CSMD1: variants seen among roughly 807,000 people sequenced by gnomAD.
CSMD1 encodes the protein CUB and sushi domain-containing protein 1.
A neutral mutation model predicts 417.5 loss-of-function variants in CSMD1; 213 were observed. The observed-to-expected ratio is 0.51, with a 90% confidence interval of 0.46 to 0.57. The LOEUF (loss-of-function observed/expected upper bound fraction) is 0.57. Ranked by LOEUF, CSMD1 falls within the 20% of genes least tolerant of loss-of-function variation. CSMD1 has a pLI of 0.00. For synonymous variants in CSMD1, 2,862 were observed against 1,736.8 expected (o/e 1.65, Z -16.11); for missense variants, 6,923 against 4,529.7 (o/e 1.53, Z -15.17).
intron 2 of CSMD1, among the ~76,000 whole-genome samples, chr8:4,509,839 C>T (rs1026334526): frequency 1.3e-5 from 2 of 152,142 alleles, no homozygotes; most frequent in Non-Finnish European, 2.9e-5. Flanking sequence ...TAAATTGCCC[C>T]AAGATTCACA....
At chr8:3,445,298 G>A (rs1815228432) in intron 12 of CSMD1, among the ~76,000 whole-genome samples, 1 of 152,090 alleles carries the variant, frequency 6.6e-6, no homozygotes, top group Non-Finnish European at 1.5e-5. Context: ...ACGTCACTAA[G>A]GTAAGGGTAC....
intron 2 of CSMD1, among the ~76,000 whole-genome samples, chr8:4,485,728 C>G (rs1271022729): frequency 1.3e-5 from 2 of 152,124 alleles, no homozygotes; most frequent in Non-Finnish European, 2.9e-5. Flanking sequence ...AGTACATAAT[C>G]TTAATCCCAA....
At chr8:4,979,483 G>A (rs898311374) in intron 1 of CSMD1, among the ~76,000 whole-genome samples, 9 of 152,140 alleles carry the variant, frequency 5.9e-5, no homozygotes, top group African/African-American at 1.9e-4. Flanking sequence ...ACACTTGAGT[G>A]TGTGAAAGCT....
intron 3 of CSMD1, among the ~76,000 whole-genome samples, chr8:4,386,899 T>G (rs138895976): frequency 6.6e-6 from 1 of 152,220 alleles, no homozygotes; most frequent in Non-Finnish European, 1.5e-5. Context: ...GTATCATGAA[T>G]AGTTAAAAGG....
At chr8:3,351,156 C>A (rs184107759) in intron 21 of CSMD1, among the ~76,000 whole-genome samples, 1 of 152,162 alleles carries the variant, frequency 6.6e-6, no homozygotes, top group Non-Finnish European at 1.5e-5. Context: ...AATAATAGCT[C>A]ATTTATTCAA....
chr8:4,091,315 T>C (rs925938264), intron 3 of CSMD1, among the ~76,000 whole-genome samples: 1 of 152,180 alleles, frequency 6.6e-6, no homozygotes, highest in Non-Finnish European at 1.5e-5. Context: ...ATTCAATAAA[T>C]ATTTTGTTGT....
chr8:4,590,302 TG>T (rs2130729549), intron 2 of CSMD1, among the ~76,000 whole-genome samples: 1 of 152,250 alleles, frequency 6.6e-6, no homozygotes, highest in African/African-American at 2.4e-5. Flanking sequence ...GAAGCAGACA[TG>T]GACTACTGGA....
chr8:4,195,963 A>G (rs940966691), intron 3 of CSMD1, among the ~76,000 whole-genome samples: 2 of 152,052 alleles, frequency 1.3e-5, no homozygotes, highest in Non-Finnish European at 2.9e-5. Flanking sequence ...TGTAATCCCA[A>G]CACTTTGGGG....
At chr8:3,607,059 T>A (rs1172272317) in intron 8 of CSMD1, among the ~76,000 whole-genome samples, 1 of 152,220 alleles carries the variant, frequency 6.6e-6, no homozygotes, top group Non-Finnish European at 1.5e-5. Context: ...AATACTCAGT[T>A]TAAGACACAA....
intron 1 of CSMD1, among the ~76,000 whole-genome samples, chr8:4,725,183 C>T (rs1274190556): frequency 6.6e-6 from 1 of 152,004 alleles, no homozygotes; most frequent in African/African-American, 2.4e-5. Context: ...CAATAAAAGT[C>T]AGAGAATAAA....
intron 3 of CSMD1, among the ~76,000 whole-genome samples, chr8:4,156,519 G>A (rs986180239): frequency 6.6e-6 from 1 of 152,058 alleles, no homozygotes; most frequent in Non-Finnish European, 1.5e-5. Context: ...AATAAAGTAA[G>A]TTCCTCTTAT....
At chr8:3,471,060 T>G (rs894921762) in intron 11 of CSMD1, among the ~76,000 whole-genome samples, 1 of 152,194 alleles carries the variant, frequency 6.6e-6, no homozygotes, top group African/African-American at 2.4e-5. Context: ...AGCTGCATTG[T>G]GAAATCATGT....
chr8:4,090,369 A>T (rs929873897), intron 3 of CSMD1, among the ~76,000 whole-genome samples: 1 of 152,206 alleles, frequency 6.6e-6, no homozygotes, highest in Admixed American at 6.5e-5. Context: ...AATAAATTAC[A>T]AAGTGTCAGA....
intron 3 of CSMD1, among the ~76,000 whole-genome samples, chr8:4,381,187 G>T (rs1314832864): frequency 6.6e-6 from 1 of 152,138 alleles, no homozygotes; most frequent in African/African-American, 2.4e-5. Context: ...GTTCTCTACG[G>T]TACTGATAAA....
chr8:4,488,682 G>A (rs540421209), intron 2 of CSMD1, among the ~76,000 whole-genome samples: 22 of 147,204 alleles, frequency 1.5e-4, no homozygotes, highest in Admixed American at 2.8e-4. Flanking sequence ...TAATCATGGC[G>A]GTGGGGGGGG....
chr8:4,682,046 T>A (rs1051182562), intron 1 of CSMD1, among the ~76,000 whole-genome samples: 1 of 152,134 alleles, frequency 6.6e-6, no homozygotes, highest in African/African-American at 2.4e-5. Flanking sequence ...TGAGACAGGG[T>A]CTCACTCTGT....
At chr8:4,273,784 G>A (rs868379542) in intron 3 of CSMD1, among the ~76,000 whole-genome samples, 2 of 152,148 alleles carry the variant, frequency 1.3e-5, no homozygotes, top group Admixed American at 6.6e-5. Flanking sequence ...GTAAGCTTCT[G>A]TCTGCGTGTA....
chr8:3,513,121 A>T (rs200499964), intron 10 of CSMD1, among the ~76,000 whole-genome samples: 38,413 of 135,388 alleles, frequency 0.28, 5,126 homozygotes, highest in African/African-American at 0.44. Flanking sequence ...TTGAATTATT[A>T]TTATTATTTT....
chr8:3,504,672 C>G (rs752824616), intron 10 of CSMD1, among the ~76,000 whole-genome samples: 3 of 152,154 alleles, frequency 2.0e-5, no homozygotes, highest in Non-Finnish European at 4.4e-5. Flanking sequence ...CTAAAATGAC[C>G]TCTTATCTTT....
Sources: allele counts gnomAD v4.1 joint callset (sites outside exome capture counted in the v4.1 genomes callset), GRCh38; gene constraint gnomAD v4.1.1; transcripts MANE v1.5; gene names NCBI Gene and HGNC (gene_info 2026-07-23, HGNC 2026-07-21).